The following HACD3 variants were observed in gnomAD, a reference collection of about 807,000 sequenced individuals.
The protein encoded by HACD3 is 3-hydroxyacyl-CoA dehydratase 3.
A neutral mutation model predicts 55.2 loss-of-function variants in HACD3; 30 were observed. The ratio of observed to expected loss-of-function variants is 0.54; its 90% CI spans 0.41 to 0.74. The LOEUF (loss-of-function observed/expected upper bound fraction) is 0.74, where lower values mean the gene tolerates loss of function less well. HACD3 is among the 30% of genes least tolerant of loss of function. The pLI, the probability that HACD3 is intolerant of heterozygous loss-of-function variation, is 0.00. For synonymous variants in HACD3, 141 were observed against 151.7 expected, an observed-to-expected ratio of 0.93 and a Z score of 0.52; for missense variants, 363 against 440.1, an observed-to-expected ratio of 0.82 and a Z score of 1.57.
chr15:65,542,785 A>G (rs906231108), intron 1 of HACD3, among the ~76,000 whole-genome samples: 1 of 152,086 alleles, frequency 6.6e-6, no homozygotes, highest in Admixed American at 6.6e-5. Flanking sequence ...AATTGTCTTA[A>G]AAAAAACAGG....
chr15:65,534,502 A>G (rs1596202001), intron 1 of HACD3: 1 of 152,364 alleles, frequency 6.6e-6, no homozygotes, highest in East Asian at 1.9e-4. Context: ...TTCACGATGA[A>G]CATAATGAAC....
At chr15:65,554,803 C>A in intron 2 of HACD3, 84 bp from the exon 3 acceptor site, 2 of 938,258 alleles carry the variant, frequency 2.1e-6, no homozygotes, top group Non-Finnish European at 3.4e-6. Context: ...TATTCGCATA[C>A]TTGGGAAAGA....
rs367988961 is a variant in HACD3 at position 65,577,579 on chromosome 15, AAC to A, written c.*1205_*1206del. 6.2e-4 allele frequency: 94 copies of A among 152,386 alleles called. 2 individuals are homozygous for A. Among genetic ancestry groups the A allele is most frequent in the African/African-American group, 2.2e-3 (93 of 41,580 alleles). 9.4% of individuals were successfully genotyped at this position (152,386 alleles called of 1,614,324 possible). On this transcript the variant is annotated 3_prime_UTR_variant, in exon 11 of 11. Transcript: ENST00000261875. ...AAACTAGAAATATTAGAGTAGGCCAAACACACCTCCAAACTGTAAGGCTGTGC... is the reference window on the plus strand; with the variant it reads ...AAACTAGAAATATTAGAGTAGGCCAAACACCTCCAAACTGTAAGGCTGTGC...
At chr15:65,554,647 A>C (rs1025033262) in intron 2 of HACD3, among the ~76,000 whole-genome samples, 1 of 151,908 alleles carries the variant, frequency 6.6e-6, no homozygotes, top group Non-Finnish European at 1.5e-5. Flanking sequence ...TGGTGGCGGG[A>C]GCCTGTAGTC....
intron 5 of HACD3, 96 bp from the exon 6 acceptor site, chr15:65,562,678 G>A (rs1167274648): frequency 3.4e-5 from 51 of 1,483,674 alleles, no homozygotes; most frequent in Non-Finnish European, 4.4e-5. Flanking sequence ...CATTCAGGAA[G>A]GAAAAAGGGT....
At chr15:65,538,296 T>C (rs2071984677) in intron 1 of HACD3, among the ~76,000 whole-genome samples, 1 of 152,150 alleles carries the variant, frequency 6.6e-6, no homozygotes, top group South Asian at 2.1e-4. Flanking sequence ...TTGTGATTCA[T>C]AGGAAGAGGT....
At chr15:65,536,067 A>T (rs2071951971) in intron 1 of HACD3, among the ~76,000 whole-genome samples, 2 of 151,928 alleles carry the variant, frequency 1.3e-5, no homozygotes, top group Admixed American at 1.3e-4. Context: ...CCCAGGCTGG[A>T]GTGCAGTGGT....
At chr15:65,543,861 G>C (rs2072045992) in intron 1 of HACD3, among the ~76,000 whole-genome samples, 1 of 152,144 alleles carries the variant, frequency 6.6e-6, no homozygotes, top group Non-Finnish European at 1.5e-5. Flanking sequence ...AATGGAATTT[G>C]GCTGAGTGGA....
At chr15:65,567,025 A>G (rs1004350343) in intron 7 of HACD3, 1 of 152,186 alleles carries the variant, frequency 6.6e-6, no homozygotes, top group Non-Finnish European at 1.5e-5. Flanking sequence ...TACAATAATC[A>G]AACTTTAAAA....
rs182473645 is a variant in HACD3, at chr15:65,543,477, T to G, written c.88-8199T>G. ...TTTTGGGATAAAACAAATATATAAA[T>G]GTACTAATGTTATTAGGAAGCTTTT... is the stretch of plus-strand genomic sequence containing the variant. On this transcript the variant is annotated intron_variant, in intron 1 of 10. Transcript: ENST00000261875. Among the ~76,000 whole-genome samples, 7 of 152,302 alleles carry G rather than the reference T, an allele frequency of 4.6e-5. No homozygotes were observed. The East Asian group carries it at 1.3e-3, about 29-fold the overall frequency.
At chr15:65,563,231 A>G (rs552376552) in intron 6 of HACD3, among the ~76,000 whole-genome samples, 1 of 152,270 alleles carries the variant, frequency 6.6e-6, no homozygotes, top group East Asian at 1.9e-4. Context: ...AAGTTATGCA[A>G]GGCCAAAAGG....
At chr15:65,535,441 C>T (rs1393045259) in intron 1 of HACD3, among the ~76,000 whole-genome samples, 1 of 152,154 alleles carries the variant, frequency 6.6e-6, no homozygotes, top group African/African-American at 2.4e-5. Context: ...TGAAAAGATG[C>T]TTGACTGCAA....
At chr15:65,535,534 A>T (rs546257762) in intron 1 of HACD3, among the ~76,000 whole-genome samples, 10 of 152,278 alleles carry the variant, frequency 6.6e-5, no homozygotes, top group African/African-American at 1.9e-4. Context: ...GGTTTTGACA[A>T]ATTGAAGGTT....
chr15:65,558,304 T>A (rs2072213834), intron 4 of HACD3, among the ~76,000 whole-genome samples: 3 of 152,338 alleles, frequency 2.0e-5, no homozygotes, highest in South Asian at 4.1e-4. Flanking sequence ...AAAATTATAC[T>A]AAAATTCTAG....
At chr15:65,533,697 GC>G (rs1340062853) in intron 1 of HACD3, among the ~76,000 whole-genome samples, 12 of 149,504 alleles carry the variant, frequency 8.0e-5, no homozygotes, top group African/African-American at 2.7e-4. Context: ...ATTGCTCTAT[GC>G]AGGGCCTGTT....
intron 4 of HACD3, 24 bp from the exon 5 acceptor site, chr15:65,558,656 G>A (rs2072216720): frequency 1.9e-6 from 3 of 1,579,000 alleles, no homozygotes; most frequent in Non-Finnish European, 2.6e-6. Flanking sequence ...TTGTGTTCTT[G>A]GAAAACTTTT....
intron 7 of HACD3, among the ~76,000 whole-genome samples, chr15:65,569,842 C>T (rs898488431): frequency 1.8e-4 from 27 of 152,254 alleles, no homozygotes; most frequent in African/African-American, 6.5e-4. Context: ...CTTTAGACTG[C>T]GTTTGAACAT....
Position 65,556,805 on chromosome 15 carries a change from G to A in HACD3, c.271G>A (p.Glu91Lys), listed in dbSNP as rs1287570436. 1 of 1,612,180 alleles carries A rather than the reference G, an allele frequency of 6.2e-7. No individual in the cohort carries two copies. The highest frequency in any genetic ancestry group is 8.5e-7 in the Non-Finnish European group (1 of 1,179,160). Reference sequence around the variant, plus strand: ...ACAGAAGAAAGTGAGTCAGTGGTGGGAGAGACTCACAAAGCAGGAAAAGCG... The same window carrying A: ...ACAGAAGAAAGTGAGTCAGTGGTGGAAGAGACTCACAAAGCAGGAAAAGCG... ...TVQKKVSQWW[E>K]RLTKQEKRPL... Residue 91 changes from glutamate (E) to lysine (K), a missense_variant, in exon 4 of 11, where the codon GAG becomes AAG. By Grantham distance (56) the Glu-to-Lys change is moderately conservative. Coordinates refer to ENST00000261875, the MANE Select transcript of HACD3 (RefSeq NM_016395.4).
In HACD3 at chr15:65,535,346, G is replaced by A. The variant is rs116264992; in HGVS notation, c.87+4628G>A. ...TTTAAAGAACACCTACAGACCAATA[G>A]GCAAAAGACGTATTACCTAATAGAA... is the stretch of plus-strand genomic sequence containing the variant. On this transcript the variant is annotated intron_variant, in intron 1 of 10. Coordinates refer to ENST00000261875, the MANE Select transcript of HACD3 (RefSeq NM_016395.4). Among the ~76,000 whole-genome samples, 312 of 152,180 alleles carry A rather than the reference G, an allele frequency of 2.1e-3. 2 individuals are homozygous for A. Among genetic ancestry groups the A allele is most frequent in the African/African-American group, 7.3e-3 (303 of 41,524 alleles).
Sources: gnomAD v4.1 joint callset for allele counts (sites outside exome capture counted in the v4.1 genomes callset) on GRCh38, gnomAD v4.1.1 for gene constraint, MANE v1.5 for transcripts, NCBI Gene and HGNC (gene_info 2026-07-23, HGNC 2026-07-21) for gene names.